Variants in NCAPD3 observed in about 807,000 individuals in gnomAD.
The protein encoded by NCAPD3 is condensin-2 complex subunit D3.
Under a neutral mutation model 182.9 loss-of-function variants are expected in NCAPD3, and 105 were observed. That is an observed-to-expected ratio of 0.57 (90% CI 0.49 to 0.68). The LOEUF (loss-of-function observed/expected upper bound fraction) is 0.68. NCAPD3 is among the 30% of genes least tolerant of loss of function. NCAPD3 has a pLI of 0.00. For missense variants in NCAPD3, 1,944 were observed against 1,837.0 expected (o/e 1.06, Z -1.07); for synonymous variants, 815 against 679.9 (o/e 1.20, Z -3.09).
At chr11:134,163,865 C>T (rs1481096610) in intron 27 of NCAPD3, among the ~76,000 whole-genome samples, 1 of 103,458 alleles carries the variant, frequency 9.7e-6, no homozygotes, top group Non-Finnish European at 1.7e-5. Context: ...CAGTGAGATT[C>T]TGTCTCAAAA....
intron 29 of NCAPD3, 56 bp from the exon 30 acceptor site, chr11:134,158,551 C>T (rs956594077): frequency 2.6e-6 from 4 of 1,543,292 alleles, no homozygotes; most frequent in South Asian, 1.1e-5. Flanking sequence ...TTTTCAAAAA[C>T]GGATATATGA....
In NCAPD3 at chr11:134,203,656, T is replaced by C. The variant is rs765925598; in HGVS notation, c.1466A>G (p.Asn489Ser). 8.1e-6 allele frequency: 13 copies of C among 1,611,796 alleles called. No homozygotes were observed. Among genetic ancestry groups the C allele is most frequent in the Non-Finnish European group, 1.1e-5 (13 of 1,179,868 alleles). Reference protein sequence around the residue: ...ASESILELLINSPTFSVIESH... With the variant: ...ASESILELLISSPTFSVIESH... The stretch of plus-strand genomic sequence containing the variant: ...GTCCCAATAGTCGCCATACTCACTG[T>C]TAATCAGGAGCTCCAGGATACTCTC... Residue 489 changes from asparagine (N) to serine (S), a missense_variant and splice_region_variant, in exon 11 of 35, where the codon AAC (asparagine) becomes AGC (serine). By Grantham distance (46) the Asn-to-Ser change is conservative (BLOSUM62 1). Coordinates refer to ENST00000534548, the MANE Select transcript of NCAPD3 (RefSeq NM_015261.3).
upstream of NCAPD3, chr11:134,225,097 C>A: frequency 6.3e-7 from 1 of 1,577,296 alleles, no homozygotes; most frequent in Non-Finnish European, 8.6e-7. Context: ...CGGTCCTTAC[C>A]GAGACCCGCC....
intron 13 of NCAPD3, among the ~76,000 whole-genome samples, chr11:134,196,668 GA>G (rs1944635702): frequency 7.0e-6 from 1 of 142,918 alleles, no homozygotes; most frequent in Non-Finnish European, 1.5e-5. Flanking sequence ...AAAAAGAAAA[GA>G]AAAGAAAGAA....
chr11:134,176,228 A>G, intron 24 of NCAPD3, 79 bp downstream of exon 24: 2 of 1,342,862 alleles, frequency 1.5e-6, no homozygotes, highest in Admixed American at 3.7e-5. Context: ...CTCTAAACCA[A>G]TCTGAAAAAA....
chr11:134,181,448 G>A (rs1944295443), intron 19 of NCAPD3, among the ~76,000 whole-genome samples: 1 of 152,114 alleles, frequency 6.6e-6, no homozygotes, highest in African/African-American at 2.4e-5. Context: ...AGAGCAAAAG[G>A]CCAAATATTT....
At chr11:134,161,542 C>A (rs571597891) in intron 28 of NCAPD3, among the ~76,000 whole-genome samples, 1 of 152,222 alleles carries the variant, frequency 6.6e-6, no homozygotes, top group African/African-American at 2.4e-5. Flanking sequence ...TAAGGGAAGA[C>A]GTGCTTGGCA....
At chr11:134,193,902 G>T in intron 15 of NCAPD3, 114 bp downstream of exon 15, 3 of 1,047,446 alleles carry the variant, frequency 2.9e-6, no homozygotes, top group South Asian at 3.1e-5. Flanking sequence ...TTCTACAGTG[G>T]ACTTAGTAGA....
At chr11:134,224,098 C>A (rs1565564112), upstream of NCAPD3, 13 of 779,132 alleles carry the variant, frequency 1.7e-5, no homozygotes, top group Non-Finnish European at 2.7e-5. Flanking sequence ...GTCCGCCGCA[C>A]GCTCAGAGAA....
intron 16 of NCAPD3, among the ~76,000 whole-genome samples, chr11:134,188,385 G>A (rs1262922083): frequency 6.6e-6 from 1 of 152,200 alleles, no homozygotes; most frequent in Non-Finnish European, 1.5e-5. Flanking sequence ...GGCCAAATAA[G>A]GGAATAAAAG....
In NCAPD3 at chr11:134,209,465, T is replaced by A. The variant is rs750089797; in HGVS notation, c.580A>T (p.Ile194Leu). 3 of 1,610,808 alleles carry A rather than the reference T, an allele frequency of 1.9e-6. No individual in the cohort carries two copies. In the Admixed American group the frequency reaches 5.0e-5, roughly 27 times the overall value. The change falls in exon 5 of 35, where the codon ATA becomes TTA. Residue 194 changes from isoleucine to leucine, a missense_variant. This residue lies in a region of NCAPD3 where 1,803 missense variants were observed against 1,674.6 expected (regional missense o/e 1.08). Transcript: ENST00000534548. ...ATATTCTCATCTTCTTGTTCTTCTA[T>A]AATTTCATCCATCTAGATTATGAAG... ...RREDIEMDEI[I>L]EEQEDENICF...
chr11:134,184,950 C>T lies in NCAPD3; in HGVS notation c.2288G>A (p.Gly763Glu), dbSNP rs1355860432. 6.2e-7 allele frequency: 1 copy of T among 1,613,692 alleles called. No individual in the cohort carries two copies. Among genetic ancestry groups the T allele is most frequent in the Non-Finnish European group, 8.5e-7 (1 of 1,179,896 alleles). The change falls in exon 18 of 35, where the codon GGG (glycine) becomes GAG (glutamate). Residue 763 changes from glycine (G) to glutamate (E), a missense_variant. By Grantham distance (98) the Gly-to-Glu change is moderately conservative (BLOSUM62 -2). Coordinates refer to ENST00000534548, the MANE Select transcript of NCAPD3 (RefSeq NM_015261.3). Reference sequence around the variant, plus strand: ...CTTAGGAAGATGCTTTGCAATATGCCCAATCACACAGAGAATATGTCCTAA... The same window carrying T: ...CTTAGGAAGATGCTTTGCAATATGCTCAATCACACAGAGAATATGTCCTAA... The part of the protein sequence containing the change: ...NTLGHILCVI[G>E]HIAKHLPKST...
upstream of NCAPD3, chr11:134,225,401 G>A (rs1345125461): frequency 1.3e-6 from 2 of 1,559,366 alleles, no homozygotes; most frequent in East Asian, 2.3e-5. Context: ...CGGGGAGCAG[G>A]GTGATTCAGG....
At chr11:134,182,082 A>T (rs371664148) in intron 19 of NCAPD3, among the ~76,000 whole-genome samples, 181 of 152,298 alleles carry the variant, frequency 1.2e-3, no homozygotes, top group African/African-American at 4.3e-3. Context: ...CACAACCTGG[A>T]CCACAACATT....
intron 22 of NCAPD3, chr11:134,177,765 C>T: frequency 2.8e-6 from 1 of 358,926 alleles, no homozygotes. Context: ...GGAAAATGAT[C>T]AGCAAAGCCT....
In NCAPD3 at chr11:134,204,167, A is replaced by C; in HGVS notation, c.1094T>G (p.Val365Gly). Residue 365 changes from valine to glycine, a missense_variant, in exon 10 of 35, where the codon GTA becomes GGA. Around this residue, in one of 3 missense-constraint regions of NCAPD3, gnomAD observed 1,803 missense variants for 1,674.6 expected, o/e 1.08. Transcript: ENST00000534548. This position sits in a 1 kb window ranked among gnomAD's most constrained non-coding sequence, Gnocchi z 4.3. ...ILLQHICAKV[V>G]DKSEYRTFAA... Reference sequence around the variant, plus strand: ...AAAAGTACGATACTCTGATTTATCTACCACCTGAAAAGCAAAAAGAGAAGT... The same window carrying C: ...AAAAGTACGATACTCTGATTTATCTCCCACCTGAAAAGCAAAAAGAGAAGT... 6.2e-7 allele frequency: 1 copy of C among 1,612,914 alleles called. No homozygotes were observed. The highest frequency in any genetic ancestry group is 2.2e-5 in the East Asian group (1 of 44,872).
intron 8 of NCAPD3, 48 bp downstream of exon 8, chr11:134,206,551 T>C: frequency 6.2e-7 from 1 of 1,606,978 alleles, no homozygotes; most frequent in Non-Finnish European, 8.5e-7. Flanking sequence ...GGGCCCAGAG[T>C]ACTGAGGGAG....
At chr11:134,224,236 G>A (rs956480419), upstream of NCAPD3, 3 of 510,612 alleles carry the variant, frequency 5.9e-6, no homozygotes, top group Admixed American at 1.0e-4. Flanking sequence ...CTTCAATGGG[G>A]GAAAATCTAA....
In NCAPD3 at chr11:134,152,786, A is replaced by G; in HGVS notation, c.*158T>C. 1.7e-6 allele frequency: 1 copy of G among 605,534 alleles called. No individual in the cohort carries two copies. Among genetic ancestry groups the G allele is most frequent in the East Asian group, 2.7e-5 (1 of 37,186 alleles). The allele number at this position is 605,534 out of a possible 1,614,324, so 37.5% of individuals were successfully genotyped here. On this transcript the variant is annotated 3_prime_UTR_variant, in exon 35 of 35. Transcript: ENST00000534548. Reference sequence around the variant, plus strand: ...TTTAACCAAATACATCATACAGAATAGAAGGTGAGTGCCAGGCCCCTGAGG... The same window carrying G: ...TTTAACCAAATACATCATACAGAATGGAAGGTGAGTGCCAGGCCCCTGAGG...
Sources: allele counts gnomAD v4.1 joint callset (sites outside exome capture counted in the v4.1 genomes callset), GRCh38; gene constraint gnomAD v4.1.1; regional missense constraint gnomAD v4.1.1; non-coding constraint Gnocchi (gnomAD v3.1); transcripts MANE v1.5; gene names NCBI Gene and HGNC (gene_info 2026-07-23, HGNC 2026-07-21).